Variants in PHACTR2 observed in about 807,000 individuals in gnomAD.
PHACTR2 encodes phosphatase and actin regulator 2.
A neutral mutation model predicts 76.0 loss-of-function variants in PHACTR2; 30 were observed. The ratio of observed to expected loss-of-function variants is 0.39; its 90% confidence interval spans 0.30 to 0.54. The LOEUF (loss-of-function observed/expected upper bound fraction) is 0.54, where lower values mean the gene tolerates loss of function less well. Among genes scored for constraint, PHACTR2 ranks in the 20% least tolerant of loss-of-function variants. The probability of loss-of-function intolerance (pLI) is 0.61; values close to 1 mark genes in which losing one functional copy is unlikely to be tolerated. For synonymous variants in PHACTR2, 292 were observed against 292.5 expected (o/e 1.00, Z 0.02); for missense variants, 696 against 781.1 (o/e 0.89, Z 1.30).
chr6:143,760,640 G>C lies in PHACTR2; in HGVS notation c.694G>C (p.Ala232Pro). 5.0e-6 allele frequency: 8 copies of C among 1,613,836 alleles called. No individual in the cohort carries two copies. The highest frequency in any genetic ancestry group is 6.8e-6 in the Non-Finnish European group (8 of 1,179,840). ...PASRNTTREA[A>P]GSSHSKKTTG... ...AAGCCGAAACACGACCCGAGAGGCTGGTGAGTATGCCCCCAGTGCCCTGTG... is the reference window on the plus strand; with the variant it reads ...AAGCCGAAACACGACCCGAGAGGCTCGTGAGTATGCCCCCAGTGCCCTGTG... Residue 232 changes from alanine (A) to proline (P), a missense_variant and splice_region_variant, in exon 5 of 13, where the codon GCT (alanine) becomes CCT (proline). Ala to Pro is a conservative substitution (Grantham distance 27). Coordinates refer to ENST00000440869, the MANE Select transcript of PHACTR2 (RefSeq NM_001100164.2). The surrounding 1 kb of genome is among the most constrained non-coding windows in gnomAD (Gnocchi z 6.4).
rs943319428 is a variant in PHACTR2, at chr6:143,782,005, C to T, written c.1646-1214C>T. On this transcript the variant is annotated intron_variant, in intron 9 of 12. Coordinates refer to ENST00000440869, the MANE Select transcript of PHACTR2 (RefSeq NM_001100164.2). The surrounding 1 kb of genome is among the most constrained non-coding windows in gnomAD (Gnocchi z 4.6). Reference sequence around the variant, plus strand: ...CTGATAGAGAATTTAGCCTGTTCAACTAACAAATACAGCTGTTGCAAATAT... The same window carrying T: ...CTGATAGAGAATTTAGCCTGTTCAATTAACAAATACAGCTGTTGCAAATAT... Among the ~76,000 whole-genome samples the T allele has an allele frequency of 2.6e-5, 4 of 152,128 alleles. No homozygotes were observed. The highest frequency in any genetic ancestry group is 5.9e-5 in the Non-Finnish European group (4 of 68,026).
intron 1 of PHACTR2, among the ~76,000 whole-genome samples, chr6:143,609,332 T>A (rs894990854): frequency 2.6e-5 from 4 of 152,224 alleles, no homozygotes; most frequent in African/African-American, 9.6e-5. Flanking sequence ...TGAAATAGCT[T>A]ACCAGGAACA....
At chr6:143,626,430 C>T (rs548957736) in intron 1 of PHACTR2, among the ~76,000 whole-genome samples, 1 of 151,518 alleles carries the variant, frequency 6.6e-6, no homozygotes, top group South Asian at 2.1e-4. Flanking sequence ...CCAGGTACTC[C>T]GGAGGCTGAG....
chr6:143,657,268 G>A (rs973653098), intron 1 of PHACTR2, among the ~76,000 whole-genome samples: 2 of 151,876 alleles, frequency 1.3e-5, no homozygotes, highest in African/African-American at 2.4e-5. Context: ...GTGGTACAAT[G>A]TACATACAGT....
At chr6:143,613,893 G>A (rs1776020062) in intron 1 of PHACTR2, among the ~76,000 whole-genome samples, 1 of 152,152 alleles carries the variant, frequency 6.6e-6, no homozygotes, top group Non-Finnish European at 1.5e-5. Context: ...GAATTGTTGA[G>A]TTTAACAGCA....
At chr6:143,715,174 A>G (rs994765371) in intron 2 of PHACTR2, among the ~76,000 whole-genome samples, 1 of 152,132 alleles carries the variant, frequency 6.6e-6, no homozygotes, top group Non-Finnish European at 1.5e-5. Flanking sequence ...TCTTATTTTC[A>G]TTCATTTCAA....
At position 143,558,866 on chromosome 6, in the gene PHACTR2, C is replaced by T. The variant is rs948199227; in HGVS notation, c.217+21659C>T. Among the ~76,000 whole-genome samples, 3 of 152,114 alleles carry T rather than the reference C, an allele frequency of 2.0e-5. No homozygotes were observed. Among genetic ancestry groups the T allele is most frequent in the African/African-American group, 7.2e-5 (3 of 41,412 alleles). ...ATGGTGATTAGGTAGCTCGAGGGCC[C>T]CTAAACACCTCCCTGATGATTGACC... is the stretch of plus-strand genomic sequence containing the variant. On this transcript the variant is annotated intron_variant, in intron 1 of 11. Coordinates refer to the PHACTR2 transcript ENST00000367584. This position sits in a 1 kb window ranked among gnomAD's most constrained non-coding sequence, Gnocchi z 4.7.
Position 143,627,140 on chromosome 6 carries a change from A to G in PHACTR2, c.13+18818A>G, listed in dbSNP as rs1776275872. On this transcript the variant is annotated intron_variant, in intron 1 of 11. Coordinates refer to the PHACTR2 transcript ENST00000305766. The surrounding 1 kb of genome is among the most constrained non-coding windows in gnomAD (Gnocchi z 4.3). The stretch of plus-strand genomic sequence containing the variant: ...GGTATCTATGAACCAAACAAGTTAG[A>G]AGGTCCAGGAGGGAAGTGCCACTTG... Among the ~76,000 whole-genome samples the G allele has an allele frequency of 1.3e-5, 2 of 152,164 alleles. No homozygotes were observed. The highest frequency in any genetic ancestry group is 2.9e-5 in the Non-Finnish European group (2 of 68,030).
Position 143,585,478 on chromosome 6 carries a change from C to T in PHACTR2, c.217+48271C>T, listed in dbSNP as rs1775619503. On this transcript the variant is annotated intron_variant, in intron 1 of 11. Coordinates refer to the PHACTR2 transcript ENST00000367584. This position sits in a 1 kb window ranked among gnomAD's most constrained non-coding sequence, Gnocchi z 5.2. Reference sequence around the variant, plus strand: ...AACCAGGTTTGCAGTTAACCTAGGGCTTCAGGAGTAAGGAACTGGATTCAG... The same window carrying T: ...AACCAGGTTTGCAGTTAACCTAGGGTTTCAGGAGTAAGGAACTGGATTCAG... 6.6e-6 allele frequency among the ~76,000 whole-genome samples: 1 copy of T among 152,168 alleles called. No individual in the cohort carries two copies. Among genetic ancestry groups the T allele is most frequent in the Admixed American group, 6.5e-5 (1 of 15,284 alleles).
chr6:143,665,101 G>T (rs1156415495), intron 1 of PHACTR2, among the ~76,000 whole-genome samples: 1 of 151,970 alleles, frequency 6.6e-6, no homozygotes, highest in Admixed American at 6.6e-5. Context: ...ACCCAGCCTG[G>T]GTTCATTTTC....
intron 2 of PHACTR2, among the ~76,000 whole-genome samples, chr6:143,741,455 T>C (rs1355895764): frequency 6.6e-6 from 1 of 152,226 alleles, no homozygotes; most frequent in Non-Finnish European, 1.5e-5. Context: ...ATGGCCCCAC[T>C]GTACTCCAGC....
In PHACTR2 at chr6:143,597,053, G is replaced by A. The variant is rs1197395930; in HGVS notation, c.217+59846G>A. Reference sequence around the variant, plus strand: ...TTCTGCTCCCAGTATGCACATCAAGGTCACATTCTTCTGCTCTATACTCTG... The same window carrying A: ...TTCTGCTCCCAGTATGCACATCAAGATCACATTCTTCTGCTCTATACTCTG... On this transcript the variant is annotated intron_variant, in intron 1 of 11. Coordinates refer to the PHACTR2 transcript ENST00000367584. The surrounding 1 kb of genome is among the most constrained non-coding windows in gnomAD (Gnocchi z 5.7). Among the ~76,000 whole-genome samples the A allele has an allele frequency of 1.3e-5, 2 of 152,090 alleles. No homozygotes were observed. Among genetic ancestry groups the A allele is most frequent in the African/African-American group, 4.8e-5 (2 of 41,394 alleles).
upstream of PHACTR2, among the ~76,000 whole-genome samples, chr6:143,605,403 C>T (rs992030598): frequency 6.6e-6 from 1 of 152,160 alleles, no homozygotes; most frequent in African/African-American, 2.4e-5. This position sits in a 1 kb window ranked among gnomAD's most constrained non-coding sequence, Gnocchi z 5.0. Context: ...CATTTTATAA[C>T]CAGGCATTCC....
intron 1 of PHACTR2, among the ~76,000 whole-genome samples, chr6:143,620,625 G>T (rs1776136925): frequency 6.6e-6 from 1 of 152,146 alleles, no homozygotes; most frequent in Non-Finnish European, 1.5e-5. Context: ...TCAGACAGCA[G>T]CCTCATGCAC....
chr6:143,771,209 T>TAC lies in PHACTR2; in HGVS notation c.1233-1048_1233-1047insCA, dbSNP rs1413755681. On this transcript the variant is annotated intron_variant, in intron 6 of 12. Transcript: ENST00000440869. ...ATATATGTGTGTATATATATATATA[T>TAC]ATATATATATATATATATATATATA... 3.7e-4 allele frequency among the ~76,000 whole-genome samples: 30 copies of TAC among 81,966 alleles called. 2 individuals are homozygous for TAC. Among genetic ancestry groups the TAC allele is most frequent in the Non-Finnish European group, 3.5e-4 (16 of 45,938 alleles). The allele number at this position is 81,966 out of a possible 152,430, so 53.8% of individuals were successfully genotyped here.
chr6:143,700,972 G>A lies in PHACTR2; in HGVS notation c.47-11044G>A, dbSNP rs1227125396. 6.6e-6 allele frequency among the ~76,000 whole-genome samples: 1 copy of A among 152,210 alleles called. No homozygotes were observed. Among genetic ancestry groups the A allele is most frequent in the Non-Finnish European group, 1.5e-5 (1 of 68,032 alleles). On this transcript the variant is annotated intron_variant, in intron 1 of 12. Transcript: ENST00000440869. This position sits in a 1 kb window ranked among gnomAD's most constrained non-coding sequence, Gnocchi z 4.1. The stretch of plus-strand genomic sequence containing the variant: ...ATAGAGACAACCCTTCCCTTGTAGC[G>A]ATAACAGTGGCATTCAAAACGTAAA...
Position 143,801,006 on chromosome 6 carries a change from G to T in PHACTR2, c.1846-6051G>T, listed in dbSNP as rs1213001668. 2.6e-5 allele frequency among the ~76,000 whole-genome samples: 4 copies of T among 152,188 alleles called. No individual in the cohort carries two copies. Among genetic ancestry groups the T allele is most frequent in the Non-Finnish European group, 5.9e-5 (4 of 68,034 alleles). Reference sequence around the variant, plus strand: ...TTGGGTTGAAAATTCTTTTCTTTAAGAATGTTGAATATTGACCCCCACTCT... The same window carrying T: ...TTGGGTTGAAAATTCTTTTCTTTAATAATGTTGAATATTGACCCCCACTCT... On this transcript the variant is annotated intron_variant, in intron 11 of 12. Transcript: ENST00000440869. The surrounding 1 kb of genome is among the most constrained non-coding windows in gnomAD (Gnocchi z 4.6).
intron 1 of PHACTR2, among the ~76,000 whole-genome samples, chr6:143,560,008 G>A (rs1038288007): frequency 1.3e-5 from 2 of 152,004 alleles, no homozygotes; most frequent in Non-Finnish European, 2.9e-5. Flanking sequence ...ACCGTGCCCA[G>A]CTGTTATTTT....
chr6:143,756,149 C>A (rs968209530), intron 4 of PHACTR2, among the ~76,000 whole-genome samples: 1 of 152,116 alleles, frequency 6.6e-6, no homozygotes, highest in East Asian at 1.9e-4. Context: ...GACAATATCT[C>A]AATACTTTAA....
Sources: allele counts gnomAD v4.1 joint callset (sites outside exome capture counted in the v4.1 genomes callset), GRCh38; gene constraint gnomAD v4.1.1; non-coding constraint Gnocchi (gnomAD v3.1); transcripts MANE v1.5; gene names NCBI Gene and HGNC (gene_info 2026-07-23, HGNC 2026-07-21).